PRPF39: variants seen among roughly 807,000 people sequenced by gnomAD.
The protein encoded by PRPF39 is pre-mRNA processing factor 39.
Under a neutral mutation model 82.1 loss-of-function variants are expected in PRPF39, and 27 were observed. The observed-to-expected ratio is 0.33, with a 90% CI of 0.24 to 0.45. PRPF39 has a LOEUF of 0.45. Among genes scored for constraint, PRPF39 ranks in the 20% least tolerant of loss-of-function variants. The pLI is 1.00. For synonymous variants in PRPF39, 261 were observed against 256.4 expected, an observed-to-expected ratio of 1.02 and a Z score of -0.17; for missense variants, 581 against 796.9, an observed-to-expected ratio of 0.73 and a Z score of 3.26.
intron 10 of PRPF39, among the ~76,000 whole-genome samples, chr14:45,111,631 CTTTTTTTTTT>C (rs58863567): frequency 9.5e-4 from 56 of 58,802 alleles, no homozygotes; most frequent in South Asian, 2.8e-3. Context: ...TGCACCTGGG[CTTTTTTTTTT>C]TTTTTTTTTT....
chr14:45,096,537 C>T, intron 3 of PRPF39: 2 of 1,430,478 alleles, frequency 1.4e-6, no homozygotes, highest in Non-Finnish European at 1.9e-6. Flanking sequence ...TCTCATTTTC[C>T]AAACAATATA....
Position 45,102,056 on chromosome 14 carries a change from C to T in PRPF39, c.570-473C>T, listed in dbSNP as rs1418557375. On this transcript the variant is annotated intron_variant, in intron 4 of 13. Coordinates refer to ENST00000355765, the MANE Select transcript of PRPF39 (RefSeq NM_017922.4). ...TCCTGACCTAAGGTGATCCTCCCGC[C>T]TCAGCCTCCCTAAGTGCTGCGATTA... 2.0e-5 allele frequency among the ~76,000 whole-genome samples: 3 copies of T among 152,122 alleles called. No individual in the cohort carries two copies. In the East Asian group the frequency reaches 5.8e-4, roughly 29 times the overall value.
At chr14:45,108,296 A>C in intron 6 of PRPF39, 119 bp from the exon 7 acceptor site, 1 of 1,193,058 alleles carries the variant, frequency 8.4e-7, no homozygotes, top group South Asian at 2.5e-5. Flanking sequence ...AACAGTTAAA[A>C]ATCTACCACT....
chr14:45,115,006 T>C lies in PRPF39; in HGVS notation c.*93T>C. On this transcript the variant is annotated 3_prime_UTR_variant, in exon 14 of 14. Coordinates refer to ENST00000355765, the MANE Select transcript of PRPF39 (RefSeq NM_017922.4). ...ATGTAAACAGTATAAGCTTGTTGTATTTGATAACCTGTCTTCCTTGTTTCT... is the reference window on the plus strand; with the variant it reads ...ATGTAAACAGTATAAGCTTGTTGTACTTGATAACCTGTCTTCCTTGTTTCT... 3 of 955,764 alleles carry C rather than the reference T, an allele frequency of 3.1e-6. No homozygotes were observed. Among genetic ancestry groups the C allele is most frequent in the South Asian group, 3.6e-5 (2 of 55,422 alleles). The allele number at this position is 955,764 out of a possible 1,614,324, so 59.2% of individuals were successfully genotyped here.
chr14:45,089,229 G>A (rs1039481864), intron 1 of PRPF39, among the ~76,000 whole-genome samples: 2 of 152,062 alleles, frequency 1.3e-5, no homozygotes, highest in Admixed American at 6.6e-5. Context: ...TATAGTTTTA[G>A]GTTTTACATT....
chr14:45,091,112 A>T (rs1038378484), intron 1 of PRPF39, among the ~76,000 whole-genome samples: 1 of 151,634 alleles, frequency 6.6e-6, no homozygotes, highest in African/African-American at 2.4e-5. Flanking sequence ...TAGGAAAAAA[A>T]TGGTTTCATA....
chr14:45,106,549 AATG>A (rs1320442733), intron 5 of PRPF39, among the ~76,000 whole-genome samples: 1 of 152,178 alleles, frequency 6.6e-6, no homozygotes, highest in Non-Finnish European at 1.5e-5. Context: ...AAAATAGTGA[AATG>A]ATATTTTTTT....
intron 1 of PRPF39, among the ~76,000 whole-genome samples, chr14:45,085,529 AAAT>A (rs1405832192): frequency 6.6e-6 from 1 of 152,252 alleles, no homozygotes; most frequent in African/African-American, 2.4e-5. Context: ...AAAAAATTAA[AAAT>A]AGCCGAAGGA....
At chr14:45,095,620 T>C (rs1884173541) in intron 2 of PRPF39, 57 bp downstream of exon 2, 9 of 1,470,942 alleles carry the variant, frequency 6.1e-6, no homozygotes, top group Non-Finnish European at 7.2e-6. Flanking sequence ...CATTAATTTA[T>C]AATGAAACAG....
rs374040003 is a variant in PRPF39, at chr14:45,102,688, T to C, written c.729T>C (p.His243=). Residue 243 remains histidine, a synonymous_variant, in exon 5 of 14, where the codon CAT becomes CAC. Coordinates refer to ENST00000355765, the MANE Select transcript of PRPF39 (RefSeq NM_017922.4). ...LGIPTQLYSH[H]FQRFKEHVQN... The stretch of plus-strand genomic sequence containing the variant: ...TTCCAACACAGCTGTATAGTCATCA[T>C]TTTCAGAGGTAGGTGGGAAATTCTG... 2 of 1,593,348 alleles carry C rather than the reference T, an allele frequency of 1.3e-6. No individual in the cohort carries two copies. The highest frequency in any genetic ancestry group is 2.7e-5 in the African/African-American group (2 of 73,918).
At chr14:45,092,733 G>C (rs886721938) in intron 1 of PRPF39, among the ~76,000 whole-genome samples, 16 of 151,888 alleles carry the variant, frequency 1.1e-4, no homozygotes, top group African/African-American at 3.9e-4. Flanking sequence ...TAGAGAACTT[G>C]GTAGAAGTAT....
intron 4 of PRPF39, among the ~76,000 whole-genome samples, chr14:45,099,361 A>G (rs955911808): frequency 1.6e-4 from 24 of 150,808 alleles, no homozygotes; most frequent in Non-Finnish European, 3.2e-4. Flanking sequence ...TCTTCTTCCT[A>G]TTTTTCATAT....
Position 45,095,296 on chromosome 14 carries a change from C to T in PRPF39, c.57C>T (p.Asn19=), listed in dbSNP as rs773821391. The T allele has an allele frequency of 7.6e-5, 122 of 1,611,788 alleles. No individual in the cohort carries two copies. Among genetic ancestry groups the T allele is most frequent in the Non-Finnish European group, 1.0e-4 (119 of 1,178,420 alleles). Residue 19 remains asparagine, a synonymous_variant, in exon 2 of 14, where the codon AAC becomes AAT. Transcript: ENST00000355765. ...YRNSSNGSTG[N]SSEVVVEHPT... ...ATTCTAGTAATGGCAGCACAGGCAA[C>T]AGTTCAGAGGTAGTGGTAGAACATC...
intron 1 of PRPF39, among the ~76,000 whole-genome samples, chr14:45,086,692 AT>A (rs1397212889): frequency 6.6e-6 from 1 of 152,156 alleles, no homozygotes; most frequent in East Asian, 1.9e-4. Flanking sequence ...GGCAAGTATT[AT>A]TTCAGGTTCA....
intron 6 of PRPF39, among the ~76,000 whole-genome samples, chr14:45,107,918 G>T (rs1884585186): frequency 6.6e-6 from 1 of 151,950 alleles, no homozygotes; most frequent in South Asian, 2.1e-4. Context: ...CAAAGAGCAA[G>T]ACTCCATCTC....
chr14:45,100,033 G>T (rs1884324950), intron 4 of PRPF39, among the ~76,000 whole-genome samples: 2 of 152,112 alleles, frequency 1.3e-5, no homozygotes, highest in South Asian at 4.1e-4. Flanking sequence ...TTCGAGACCA[G>T]TCTGGCCAAC....
Position 45,110,483 on chromosome 14 carries a change from T to C in PRPF39, c.1304-66T>C. On this transcript the variant is annotated intron_variant, in intron 9 of 13. Transcript: ENST00000355765. The surrounding 1 kb of genome is among the most constrained non-coding windows in gnomAD (Gnocchi z 4.0). ...TTAGCCCATGGGTGATTGTTGCCAGTATCTGGTTATAAACGTTATTTTGGT... is the reference window on the plus strand; with the variant it reads ...TTAGCCCATGGGTGATTGTTGCCAGCATCTGGTTATAAACGTTATTTTGGT... The C allele has an allele frequency of 2.1e-6, 3 of 1,454,008 alleles. No individual in the cohort carries two copies. The highest frequency in any genetic ancestry group is 2.8e-6 in the Non-Finnish European group (3 of 1,075,272). 90.1% of individuals were successfully genotyped at this position (1,454,008 alleles called of 1,614,324 possible).
At chr14:45,087,718 C>T (rs962581521) in intron 1 of PRPF39, among the ~76,000 whole-genome samples, 16 of 150,660 alleles carry the variant, frequency 1.1e-4, no homozygotes, top group Non-Finnish European at 2.1e-4. Context: ...GGACTACAGG[C>T]GCCCGTCACC....
chr14:45,110,445 T>G lies in PRPF39; in HGVS notation c.1304-104T>G. 7.8e-7 allele frequency: 1 copy of G among 1,279,474 alleles called. No homozygotes were observed. The highest frequency in any genetic ancestry group is 1.1e-6 in the Non-Finnish European group (1 of 933,948). 79.3% of individuals were successfully genotyped at this position (1,279,474 alleles called of 1,614,324 possible). On this transcript the variant is annotated intron_variant, in intron 9 of 13. Transcript: ENST00000355765. This position sits in a 1 kb window ranked among gnomAD's most constrained non-coding sequence, Gnocchi z 4.0. ...AAATATGCATGGCTGTTTCCCATTA[T>G]TAGTTGCTGGATTTAGCCCATGGGT...
Sources: allele counts gnomAD v4.1 joint callset (sites outside exome capture counted in the v4.1 genomes callset), GRCh38; gene constraint gnomAD v4.1.1; non-coding constraint Gnocchi (gnomAD v3.1); transcripts MANE v1.5; gene names NCBI Gene and HGNC (gene_info 2026-07-23, HGNC 2026-07-21).